UBL3: variants seen among roughly 807,000 people sequenced by gnomAD.
The protein encoded by UBL3 is ubiquitin-like protein 3.
Under a neutral mutation model 18.4 loss-of-function variants are expected in UBL3, and 6 were observed. The ratio of observed to expected loss-of-function variants is 0.33; its 90% CI spans 0.18 to 0.64. UBL3 has a LOEUF of 0.64. Ranked by LOEUF, UBL3 falls within the 30% of genes least tolerant of loss-of-function variation. The probability of loss-of-function intolerance (pLI) is 0.76; values close to 1 mark genes in which losing one functional copy is unlikely to be tolerated. For missense variants in UBL3, 109 were observed against 142.9 expected (o/e 0.76, Z 1.21); for synonymous variants, 49 against 46.6 (o/e 1.05, Z -0.21).
chr13:29,805,242 A>C (rs1328701665), intron 1 of UBL3, among the ~76,000 whole-genome samples: 1 of 152,234 alleles, frequency 6.6e-6, no homozygotes, highest in Admixed American at 6.5e-5. Context: ...TTTTATCACA[A>C]TGGATGGATT....
chr13:29,831,721 C>T (rs988597093), intron 1 of UBL3, among the ~76,000 whole-genome samples: 6 of 144,710 alleles, frequency 4.1e-5, no homozygotes, highest in Admixed American at 1.4e-4. Flanking sequence ...AAAAAAAGAA[C>T]GCTGACATTA....
rs67385106 is a variant in UBL3 at position 29,780,367 on chromosome 13, AAT to A, written c.28-3106_28-3105del. Among the ~76,000 whole-genome samples, 72 of 103,288 alleles carry A rather than the reference AAT, an allele frequency of 7.0e-4. 1 individual carries two copies. Among genetic ancestry groups the A allele is most frequent in the Middle Eastern group, 5.1e-3 (1 of 198 alleles). 67.8% of individuals were successfully genotyped at this position (103,288 alleles called of 152,430 possible). A position where few individuals can be genotyped will look rare whatever the true frequency, so the allele number is the denominator to read the frequency against. On this transcript the variant is annotated intron_variant, in intron 1 of 4. Transcript: ENST00000380680. ...AGACTCTGTCTCAAAAAAAAAAAAA[AAT>A]ATATATATATATATATATATATGTG...
At chr13:29,767,805 C>A in intron 3 of UBL3, 110 bp from the exon 4 acceptor site, 2 of 839,294 alleles carry the variant, frequency 2.4e-6, no homozygotes, top group Non-Finnish European at 3.6e-6. Context: ...ACTTCTTTAA[C>A]AGATTCAACT....
chr13:29,798,607 C>T (rs1376045334), intron 1 of UBL3, among the ~76,000 whole-genome samples: 1 of 152,086 alleles, frequency 6.6e-6, no homozygotes, highest in Non-Finnish European at 1.5e-5. Context: ...AGCATTTAAG[C>T]CTTATTATTT....
At chr13:29,798,574 C>T (rs985413608) in intron 1 of UBL3, among the ~76,000 whole-genome samples, 2 of 152,154 alleles carry the variant, frequency 1.3e-5, no homozygotes, top group African/African-American at 4.8e-5. Flanking sequence ...TAAATATGTG[C>T]AATCATTCTA....
chr13:29,800,229 T>G (rs2139331903), intron 1 of UBL3, among the ~76,000 whole-genome samples: 1 of 152,370 alleles, frequency 6.6e-6, no homozygotes, highest in Admixed American at 6.5e-5. Flanking sequence ...GAAATGCTAG[T>G]GTTGACATCT....
intron 1 of UBL3, among the ~76,000 whole-genome samples, chr13:29,797,649 T>C (rs1373412719): frequency 6.6e-6 from 1 of 152,194 alleles, no homozygotes; most frequent in Non-Finnish European, 1.5e-5. Context: ...TTATGACTAC[T>C]GCAAAGATCA....
chr13:29,802,157 C>A (rs1410057233), intron 1 of UBL3, among the ~76,000 whole-genome samples: 1 of 152,234 alleles, frequency 6.6e-6, no homozygotes, highest in Non-Finnish European at 1.5e-5. Context: ...TAAGCACCAT[C>A]TACTGGATCA....
intron 1 of UBL3, among the ~76,000 whole-genome samples, chr13:29,782,310 T>C (rs1056746521): frequency 1.3e-5 from 2 of 152,122 alleles, no homozygotes; most frequent in Admixed American, 6.5e-5. Flanking sequence ...CTGTACTCCA[T>C]AAATTTAACT....
At chr13:29,825,074 T>A (rs1421805803) in intron 1 of UBL3, among the ~76,000 whole-genome samples, 1 of 152,236 alleles carries the variant, frequency 6.6e-6, no homozygotes, top group Non-Finnish European at 1.5e-5. Flanking sequence ...ATATCTCTGT[T>A]TTGGAACCAC....
intron 1 of UBL3, among the ~76,000 whole-genome samples, chr13:29,786,834 G>C (rs1593655311): frequency 6.6e-6 from 1 of 152,158 alleles, no homozygotes; most frequent in African/African-American, 2.4e-5. Context: ...AACACTCAGT[G>C]AGATTCCTGT....
At chr13:29,772,474 A>G (rs1420575286) in intron 2 of UBL3, among the ~76,000 whole-genome samples, 1 of 152,074 alleles carries the variant, frequency 6.6e-6, no homozygotes, top group Non-Finnish European at 1.5e-5. Flanking sequence ...AGTTAATACA[A>G]ATGAGTTGGG....
rs1430966813 is a variant in UBL3, at chr13:29,850,493, T to C, written c.-955A>G. 1 of 152,670 alleles carries C rather than the reference T, an allele frequency of 6.6e-6. No homozygotes were observed. The highest frequency in any genetic ancestry group is 1.5e-5 in the Non-Finnish European group (1 of 68,390). The allele number at this position is 152,670 out of a possible 1,614,324, so 9.5% of individuals were successfully genotyped here. A position where few individuals can be genotyped will look rare whatever the true frequency, so the allele number is the denominator to read the frequency against. On this transcript the variant is annotated 5_prime_UTR_variant, in exon 1 of 5. Coordinates refer to ENST00000380680, the MANE Select transcript of UBL3 (RefSeq NM_007106.4). ...TCCTCAGCCCGGGAATGGTTTCCTC[T>C]CAGAGCTTTGTTTCTCCTCCTCCTC...
Position 29,823,979 on chromosome 13 carries a change from T to C in UBL3, c.27+25533A>G, listed in dbSNP as rs192853876. Among the ~76,000 whole-genome samples, 351 of 152,130 alleles carry C rather than the reference T, an allele frequency of 2.3e-3. 2 individuals carry two copies. The highest frequency in any genetic ancestry group is 8.1e-3 in the African/African-American group (335 of 41,488). ...GGTGTTTGGTTTTCTGTCCTTGCGA[T>C]AGTTTGCTGAGAATGATGGTTTCCA... On this transcript the variant is annotated intron_variant, in intron 1 of 4. Transcript: ENST00000380680.
intron 1 of UBL3, among the ~76,000 whole-genome samples, chr13:29,805,374 T>A (rs1206847639): frequency 2.0e-5 from 3 of 152,126 alleles, no homozygotes; most frequent in Non-Finnish European, 4.4e-5. Context: ...GAGGGCAAGG[T>A]AGATTCAAAA....
At chr13:29,841,774 C>A (rs1879107389) in intron 1 of UBL3, among the ~76,000 whole-genome samples, 1 of 152,148 alleles carries the variant, frequency 6.6e-6, no homozygotes, top group Non-Finnish European at 1.5e-5. Flanking sequence ...ACTTCTTCCT[C>A]GCTATGTGAT....
intron 1 of UBL3, among the ~76,000 whole-genome samples, chr13:29,809,697 G>A (rs1426728281): frequency 3.9e-5 from 6 of 152,100 alleles, no homozygotes; most frequent in Admixed American, 1.3e-4. Context: ...AAGAAGATAT[G>A]TTTCCACTAA....
chr13:29,823,831 G>A (rs1244030693), intron 1 of UBL3, among the ~76,000 whole-genome samples: 1 of 151,672 alleles, frequency 6.6e-6, no homozygotes, highest in Non-Finnish European at 1.5e-5. Context: ...TACATTAGGT[G>A]TATCTCCTAA....
At chr13:29,783,545 C>T (rs777199021) in intron 1 of UBL3, among the ~76,000 whole-genome samples, 1 of 152,074 alleles carries the variant, frequency 6.6e-6, no homozygotes, top group Non-Finnish European at 1.5e-5. Flanking sequence ...AACTGGATAC[C>T]GGGCTGGTTA....
Sources: gnomAD v4.1 joint callset for allele counts (sites outside exome capture counted in the v4.1 genomes callset) on GRCh38, gnomAD v4.1.1 for gene constraint, MANE v1.5 for transcripts, NCBI Gene and HGNC (gene_info 2026-07-23, HGNC 2026-07-21) for gene names.